The following SNX15 variants were observed in gnomAD, a reference collection of about 807,000 sequenced individuals.
SNX15 encodes the protein sorting nexin 15, also known as sorting nexin-15.
SNX15 carries 29 observed loss-of-function variants against 35.2 expected under a neutral mutation model. The observed-to-expected ratio is 0.82, with a 90% CI of 0.61 to 1.12. SNX15 has a LOEUF of 1.12. SNX15 is among the 50% of genes most tolerant of loss of function. SNX15 has a pLI of 0.00. For synonymous variants in SNX15, 189 were observed against 188.2 expected (o/e 1.00, Z -0.03); for missense variants, 400 against 451.5 (o/e 0.89, Z 1.03).
chr11:65,039,732 T>G lies in SNX15; in HGVS notation c.969T>G (p.Ala323=). 1 of 1,613,760 alleles carries G rather than the reference T, an allele frequency of 6.2e-7. No homozygotes were observed. The highest frequency in any genetic ancestry group is 8.5e-7 in the Non-Finnish European group (1 of 1,179,900). Residue 323 remains alanine (A), a synonymous_variant, in exon 8 of 8, where the codon GCT becomes GCG. Coordinates refer to ENST00000377244, the MANE Select transcript of SNX15 (RefSeq NM_013306.5). ...ARQEGVKKKA[A]EYLKRAEEIL... ...AGGAAGGTGTGAAGAAGAAGGCAGC[T>G]GAGTACCTGAAGCGGGCAGAGGAGA...
intron 1 of SNX15, among the ~76,000 whole-genome samples, chr11:65,029,188 T>C (rs1319349145): frequency 1.3e-5 from 2 of 151,918 alleles, no homozygotes; most frequent in Non-Finnish European, 2.9e-5. Context: ...TGAGACAGAG[T>C]CTCACTGTCG....
chr11:65,027,478 GA>G lies in SNX15; in HGVS notation c.-59del. The G allele has an allele frequency of 2.2e-6, 3 of 1,378,854 alleles. No homozygotes were observed. The highest frequency in any genetic ancestry group is 3.1e-6 in the Non-Finnish European group (3 of 967,622). The allele number at this position is 1,378,854 out of a possible 1,614,324, so 85.4% of individuals were successfully genotyped here. ...GCGGCGGCGGGCGGAGGCTGGGCCGGAGGGGTGGGGACGGCGAGGAGGTGGA... is the reference window on the plus strand; with the variant it reads ...GCGGCGGCGGGCGGAGGCTGGGCCGGGGGGTGGGGACGGCGAGGAGGTGGA... On this transcript the variant is annotated 5_prime_UTR_variant, in exon 1 of 8. Transcript: ENST00000377244.
intron 6 of SNX15, chr11:65,035,887 G>A (rs527504228): frequency 2.4e-5 from 10 of 423,238 alleles, no homozygotes; most frequent in Admixed American, 1.2e-4. Context: ...AAATAGCCAC[G>A]AGGAAGGAAA....
intron 1 of SNX15, among the ~76,000 whole-genome samples, chr11:65,028,688 T>A (rs1323786439): frequency 3.9e-4 from 42 of 108,506 alleles, no homozygotes; most frequent in South Asian, 3.0e-3. Flanking sequence ...CACACAACTT[T>A]AAAAAAAAAA....
In SNX15 at chr11:65,035,654, T is replaced by C; in HGVS notation, c.655T>C (p.Ser219Pro). The C allele has an allele frequency of 6.2e-7, 1 of 1,603,614 alleles. No homozygotes were observed. Among genetic ancestry groups the C allele is most frequent in the South Asian group, 1.1e-5 (1 of 89,680 alleles). Residue 219 changes from serine to proline, a missense_variant, in exon 6 of 8, where the codon TCC (serine) becomes CCC (proline). Coordinates refer to ENST00000377244, the MANE Select transcript of SNX15 (RefSeq NM_013306.5). Reference sequence around the variant, plus strand: ...TGAGCTTGCCCTCTTCGACCCCTTCTCCAAGGAAGGTAATGAGCTGGGACA... The same window carrying C: ...TGAGCTTGCCCTCTTCGACCCCTTCCCCAAGGAAGGTAATGAGCTGGGACA... ...EAELALFDPF[S>P]KEEGAAPSPT...
At position 65,040,011 on chromosome 11, in the gene SNX15, G is replaced by A; in HGVS notation, c.*219G>A. 6.4e-6 allele frequency: 3 copies of A among 472,178 alleles called. No homozygotes were observed. Among genetic ancestry groups the A allele is most frequent in the Non-Finnish European group, 1.2e-5 (3 of 259,516 alleles). The allele number at this position is 472,178 out of a possible 1,614,324, so 29.2% of individuals were successfully genotyped here. On this transcript the variant is annotated 3_prime_UTR_variant, in exon 8 of 8. Coordinates refer to ENST00000377244, the MANE Select transcript of SNX15 (RefSeq NM_013306.5). ...CTTCTGACCCTGCCTGTCTTTTTGG[G>A]GTTTTTTTGAGTTGGAGTCTCGCTG...
intron 6 of SNX15, 66 bp from the exon 7 acceptor site, chr11:65,038,506 G>C: frequency 6.7e-7 from 1 of 1,494,086 alleles, no homozygotes; most frequent in African/African-American, 1.4e-5. Context: ...AGAAGTCTTG[G>C]GGTTGGGCAG....
chr11:65,028,514 T>C (rs1946400076), intron 1 of SNX15, among the ~76,000 whole-genome samples: 1 of 152,084 alleles, frequency 6.6e-6, no homozygotes, highest in African/African-American at 2.4e-5. Flanking sequence ...GTTTACGTCT[T>C]TTCCATGCCT....
intron 6 of SNX15, 114 bp from the exon 7 acceptor site, chr11:65,038,458 C>T (rs1946528331): frequency 1.5e-6 from 2 of 1,348,784 alleles, no homozygotes; most frequent in South Asian, 1.7e-5. Flanking sequence ...GGCATTGGTC[C>T]CCTCTACTGG....
chr11:65,035,855 G>C (rs754438884), intron 6 of SNX15, 192 bp downstream of exon 6: 1 of 526,306 alleles, frequency 1.9e-6, no homozygotes, highest in East Asian at 3.2e-5. Flanking sequence ...GTGGTGTGGT[G>C]TGCTGGATGC....
intron 5 of SNX15, 119 bp from the exon 6 acceptor site, chr11:65,035,401 C>A: frequency 1.5e-6 from 2 of 1,318,060 alleles, no homozygotes; most frequent in Non-Finnish European, 1.0e-6. Flanking sequence ...GAGCACAAAC[C>A]CTAATAACAG....
rs1198073855 is a variant in SNX15 at position 65,039,641 on chromosome 11, G to GC, written c.923-43dup. The GC allele has an allele frequency of 2.2e-6, 3 of 1,342,144 alleles. No individual in the cohort carries two copies. In the African/African-American group the frequency reaches 4.3e-5, roughly 19 times the overall value. The allele number at this position is 1,342,144 out of a possible 1,614,324, so 83.1% of individuals were successfully genotyped here. On this transcript the variant is annotated intron_variant, in intron 7 of 7. Coordinates refer to ENST00000377244, the MANE Select transcript of SNX15 (RefSeq NM_013306.5). ...GGACCCGACCAGGGGTTCTGACCAG[G>GC]CCAGTGGTGCCCAGGTGCCTCAGCT...
intron 7 of SNX15, among the ~76,000 whole-genome samples, chr11:65,039,430 G>T (rs952489774): frequency 2.0e-5 from 3 of 151,790 alleles, no homozygotes; most frequent in African/African-American, 7.3e-5. Context: ...CACCATGTTG[G>T]TCAGGCTGGT....
chr11:65,038,854 G>C, intron 7 of SNX15, 25 bp downstream of exon 7: 2 of 1,526,838 alleles, frequency 1.3e-6, no homozygotes, highest in South Asian at 2.5e-5. Context: ...AGGGTGGAGG[G>C]TCAGGCCTGG....
chr11:65,029,599 C>T (rs925660409), intron 1 of SNX15, among the ~76,000 whole-genome samples: 10 of 151,000 alleles, frequency 6.6e-5, no homozygotes, highest in Non-Finnish European at 8.8e-5. Flanking sequence ...TTTTTTGAGA[C>T]GGAGTCTTGC....
At chr11:65,031,896 C>CAAA (rs928440721) in intron 1 of SNX15, among the ~76,000 whole-genome samples, 1 of 143,040 alleles carries the variant, frequency 7.0e-6, no homozygotes, top group Admixed American at 7.0e-5. Context: ...GACTCCATCT[C>CAAA]AAAAAAAAAA....
At chr11:65,028,885 A>G (rs1264226779) in intron 1 of SNX15, among the ~76,000 whole-genome samples, 1 of 151,742 alleles carries the variant, frequency 6.6e-6, no homozygotes, top group Non-Finnish European at 1.5e-5. Flanking sequence ...CGAGGTCAGG[A>G]GATCGAGACC....
intron 5 of SNX15, 63 bp from the exon 6 acceptor site, chr11:65,035,457 A>G (rs941759415): frequency 2.0e-5 from 31 of 1,512,338 alleles, no homozygotes; most frequent in Non-Finnish European, 2.7e-5. Flanking sequence ...GGAGAGAGTA[A>G]TTCTATTTTG....
intron 7 of SNX15, 57 bp downstream of exon 7, chr11:65,038,886 A>T: frequency 1.4e-6 from 2 of 1,406,908 alleles, no homozygotes; most frequent in Non-Finnish European, 1.9e-6. Flanking sequence ...GGCAGTGATG[A>T]AGGGAGCAAA....
Sources: gnomAD v4.1 joint callset for allele counts (sites outside exome capture counted in the v4.1 genomes callset) on GRCh38, gnomAD v4.1.1 for gene constraint, MANE v1.5 for transcripts, NCBI Gene and HGNC (gene_info 2026-07-23, HGNC 2026-07-21) for gene names.